TMED8: variants seen among roughly 807,000 people sequenced by gnomAD.
The protein encoded by TMED8 is transmembrane p24 trafficking protein family member 8, also known as protein TMED8.
In TMED8, 15 loss-of-function variants were observed where a neutral mutation model predicts 32.7. The observed-to-expected ratio is 0.46, with a 90% CI of 0.31 to 0.71. The LOEUF is 0.71. Ranked by LOEUF, TMED8 falls within the 30% of genes least tolerant of loss-of-function variation. The pLI is 0.06. For missense variants in TMED8, 390 were observed against 423.9 expected (o/e 0.92, Z 0.70); for synonymous variants, 147 against 161.4 (o/e 0.91, Z 0.68).
rs1181134385 is a variant in TMED8, at chr14:77,351,411, ATTTTTTTTT to A, written c.197+253_197+261del. On this transcript the variant is annotated intron_variant, in intron 2 of 5. Transcript: ENST00000216468. ...GTAGTCTGGCCACCACGCCCCGCTA[ATTTTTTTTT>A]TTTTTTTTTTTTTTGGATTTTTAGT... Among the ~76,000 whole-genome samples, 34 of 102,130 alleles carry A rather than the reference ATTTTTTTTT, an allele frequency of 3.3e-4. 1 individual carries two copies. The highest frequency in any genetic ancestry group is 2.3e-3 in the Admixed American group (20 of 8,676). The allele number at this position is 102,130 out of a possible 152,430, so 67.0% of individuals were successfully genotyped here.
rs145540297 is a variant in TMED8, at chr14:77,335,436, C to G, written c.*6335G>C. Reference sequence around the variant, plus strand: ...CAGACCCTTTTTGTAATGTCAGCAACAGTACATGATATAGAACAGTAAGAA... The same window carrying G: ...CAGACCCTTTTTGTAATGTCAGCAAGAGTACATGATATAGAACAGTAAGAA... On this transcript the variant is annotated 3_prime_UTR_variant, in exon 6 of 6. Transcript: ENST00000216468. 47 of 152,320 alleles carry G rather than the reference C, an allele frequency of 3.1e-4. No individual in the cohort carries two copies. Among genetic ancestry groups the G allele is most frequent in the African/African-American group, 1.0e-3 (42 of 41,574 alleles). The allele number at this position is 152,320 out of a possible 1,614,324, so 9.4% of individuals were successfully genotyped here. A position where few individuals can be genotyped will look rare whatever the true frequency, so the allele number is the denominator to read the frequency against.
intron 1 of TMED8, among the ~76,000 whole-genome samples, chr14:77,372,122 G>A (rs1228044075): frequency 6.6e-6 from 1 of 152,086 alleles, no homozygotes; most frequent in African/African-American, 2.4e-5. Context: ...AACAATGAAC[G>A]GAGGAGGAAA....
intron 1 of TMED8, among the ~76,000 whole-genome samples, chr14:77,365,597 G>C (rs979742484): frequency 1.3e-5 from 2 of 152,198 alleles, no homozygotes; most frequent in African/African-American, 4.8e-5. Context: ...TGTGGCTGGA[G>C]GCCACTGCAC....
At chr14:77,353,358 A>T (rs1893221069) in intron 1 of TMED8, among the ~76,000 whole-genome samples, 1 of 152,180 alleles carries the variant, frequency 6.6e-6, no homozygotes, top group African/African-American at 2.4e-5. Context: ...AGTGAAAATG[A>T]CAGGCAAAAT....
At position 77,335,789 on chromosome 14, in the gene TMED8, CTT is replaced by C. The variant is rs1440135956; in HGVS notation, c.*5980_*5981del. On this transcript the variant is annotated 3_prime_UTR_variant, in exon 6 of 6. Coordinates refer to ENST00000216468, the MANE Select transcript of TMED8 (RefSeq NM_213601.3). ...ATTGCTTTCTCTAGACTTGGCTTCT[CTT>C]TAACATGGCTAAATGGAAATAATTT... The C allele has an allele frequency of 1.3e-5, 2 of 152,180 alleles. No individual in the cohort carries two copies. The highest frequency in any genetic ancestry group is 4.8e-5 in the African/African-American group (2 of 41,452). 9.4% of individuals were successfully genotyped at this position (152,180 alleles called of 1,614,324 possible).
At chr14:77,363,406 C>T (rs1251330178) in intron 1 of TMED8, among the ~76,000 whole-genome samples, 2 of 152,006 alleles carry the variant, frequency 1.3e-5, no homozygotes, top group Non-Finnish European at 2.9e-5. Context: ...TATCTTGAGA[C>T]AAAAGAGAAT....
At chr14:77,350,836 T>C (rs147939032) in intron 2 of TMED8, among the ~76,000 whole-genome samples, 1 of 152,316 alleles carries the variant, frequency 6.6e-6, no homozygotes, top group African/African-American at 2.4e-5. Context: ...AATAAAATTA[T>C]GTTAAACAGG....
chr14:77,374,247 G>A (rs1272486068), intron 1 of TMED8, among the ~76,000 whole-genome samples: 3 of 152,162 alleles, frequency 2.0e-5, no homozygotes, highest in Non-Finnish European at 4.4e-5. Context: ...CCAATCAAAC[G>A]AATTCCAAGT....
Position 77,343,324 on chromosome 14 carries a change from C to T in TMED8, c.614G>A (p.Cys205Tyr). ...ATAGTCATCGGTCGCAAACTCCCAG[C>T]AGACACGCTTCCCCTCTGGATGAGT... ...VPTHPEGKRV[C>Y]WEFATDDYDI... is the part of the protein sequence containing the mutation. The change falls in exon 5 of 6, where the codon TGC (cysteine) becomes TAC (tyrosine). Residue 205 changes from cysteine to tyrosine, a missense_variant. Cys to Tyr is a radical substitution (Grantham distance 194). Transcript: ENST00000216468. 1.2e-6 allele frequency: 2 copies of T among 1,614,188 alleles called. No homozygotes were observed. Among genetic ancestry groups the T allele is most frequent in the South Asian group, 2.2e-5 (2 of 91,086 alleles).
chr14:77,364,477 T>A (rs1893506313), intron 1 of TMED8, among the ~76,000 whole-genome samples: 1 of 152,148 alleles, frequency 6.6e-6, no homozygotes, highest in Non-Finnish European at 1.5e-5. Flanking sequence ...ACTCCTAGGC[T>A]CAAGCAATCC....
chr14:77,354,820 G>A (rs1013145780), intron 1 of TMED8, among the ~76,000 whole-genome samples: 37 of 152,098 alleles, frequency 2.4e-4, no homozygotes, highest in Non-Finnish European at 2.9e-5. Flanking sequence ...TAGGTGTGGT[G>A]GCGAGCACCT....
chr14:77,371,169 A>T (rs558860669), intron 1 of TMED8, among the ~76,000 whole-genome samples: 1 of 152,352 alleles, frequency 6.6e-6, no homozygotes, highest in South Asian at 2.1e-4. Context: ...AGGAGAATAA[A>T]TAAATCTATA....
chr14:77,369,894 AGGCACGGT>A (rs1893637678), intron 1 of TMED8, among the ~76,000 whole-genome samples: 1 of 152,004 alleles, frequency 6.6e-6, no homozygotes, highest in South Asian at 2.1e-4. Flanking sequence ...GCCCTCTGCC[AGGCACGGT>A]GGCTCATGCC....
intron 1 of TMED8, among the ~76,000 whole-genome samples, chr14:77,354,336 A>G (rs1235005612): frequency 1.3e-5 from 2 of 152,202 alleles, no homozygotes; most frequent in East Asian, 3.8e-4. Flanking sequence ...ACTCTCTCCT[A>G]TGCTCTATTT....
At chr14:77,353,837 C>G (rs1211087997) in intron 1 of TMED8, among the ~76,000 whole-genome samples, 1 of 152,116 alleles carries the variant, frequency 6.6e-6, no homozygotes, top group Admixed American at 6.6e-5. Context: ...AATTTTTCTC[C>G]CAACAAAGAA....
In TMED8 at chr14:77,376,712, G is replaced by A. The variant is rs933892279; in HGVS notation, c.118+224C>T. 1.2e-5 allele frequency: 4 copies of A among 330,456 alleles called. No homozygotes were observed. Among genetic ancestry groups the A allele is most frequent in the African/African-American group, 8.6e-5 (4 of 46,386 alleles). 20.5% of individuals were successfully genotyped at this position (330,456 alleles called of 1,614,324 possible). ...TGGGCAGATCTCAGAAAGGAAGCGGGGCAGGAATCAAGGCATTTCGAAACA... is the reference window on the plus strand; with the variant it reads ...TGGGCAGATCTCAGAAAGGAAGCGGAGCAGGAATCAAGGCATTTCGAAACA... On this transcript the variant is annotated intron_variant, in intron 1 of 5. Transcript: ENST00000216468. This position sits in a 1 kb window ranked among gnomAD's most constrained non-coding sequence, Gnocchi z 4.0.
chr14:77,344,523 C>CAA (rs1189551618), intron 3 of TMED8, among the ~76,000 whole-genome samples: 1 of 152,236 alleles, frequency 6.6e-6, no homozygotes, highest in Non-Finnish European at 1.5e-5. Context: ...ATTTGATACT[C>CAA]AAAGCCCTCA....
At chr14:77,346,305 C>T (rs752298811) in intron 3 of TMED8, 44 bp downstream of exon 3, 1 of 1,605,012 alleles carries the variant, frequency 6.2e-7, no homozygotes, top group South Asian at 1.1e-5. Flanking sequence ...TGTCCACATT[C>T]TGGTGCCTCC....
intron 1 of TMED8, among the ~76,000 whole-genome samples, chr14:77,367,240 T>TTAA (rs1195169190): frequency 4.0e-5 from 1 of 25,100 alleles, no homozygotes; most frequent in East Asian, 1.3e-3. Context: ...AGACTCTGTC[T>TTAA]AAAAAAAAAA....
Sources: gnomAD v4.1 joint callset for allele counts (sites outside exome capture counted in the v4.1 genomes callset) on GRCh38, gnomAD v4.1.1 for gene constraint, Gnocchi (gnomAD v3.1) non-coding constraint, MANE v1.5 for transcripts, NCBI Gene and HGNC (gene_info 2026-07-23, HGNC 2026-07-21) for gene names.